The following SLC8A1 variants were observed in gnomAD, a reference collection of about 807,000 sequenced individuals.
SLC8A1 encodes sodium/calcium exchanger 1.
A neutral mutation model predicts 68.3 loss-of-function variants in SLC8A1; 18 were observed. The observed-to-expected ratio is 0.26, with a 90% CI of 0.18 to 0.39. The LOEUF (loss-of-function observed/expected upper bound fraction) is 0.39. Among genes scored for constraint, SLC8A1 ranks in the 10% least tolerant of loss-of-function variants. SLC8A1 has a pLI of 1.00. For missense variants in SLC8A1, 985 were observed against 1,156.7 expected (o/e 0.85, Z 2.15); for synonymous variants, 475 against 415.5 (o/e 1.14, Z -1.74).
At chr2:40,427,594 C>A (rs1217184341) in intron 2 of SLC8A1, among the ~76,000 whole-genome samples, 1 of 152,062 alleles carries the variant, frequency 6.6e-6, no homozygotes, top group East Asian at 1.9e-4. Context: ...CTTTCCTAGG[C>A]AAAGGGGGAA....
At position 40,219,938 on chromosome 2, in the gene SLC8A1, TA is replaced by T. The variant is rs1410960755; in HGVS notation, c.1809-42084del. Among the ~76,000 whole-genome samples the T allele has an allele frequency of 4.6e-5, 7 of 151,066 alleles. No homozygotes were observed. In the South Asian group the frequency reaches 1.0e-3, roughly 23 times the overall value. On this transcript the variant is annotated intron_variant, in intron 2 of 7. Transcript: ENST00000406785. Reference sequence around the variant, plus strand: ...ATACATCTTTCTGTCAAAATTTGGTTAGGGCAAAATTTGACTAAAATTGTGC... The same window carrying T: ...ATACATCTTTCTGTCAAAATTTGGTTGGGCAAAATTTGACTAAAATTGTGC...
chr2:40,350,376 G>T (rs1461166386), intron 2 of SLC8A1, among the ~76,000 whole-genome samples: 1 of 151,842 alleles, frequency 6.6e-6, no homozygotes, highest in African/African-American at 2.4e-5. Flanking sequence ...AGCTACTCAG[G>T]AGGCTGAGGT....
intron 2 of SLC8A1, among the ~76,000 whole-genome samples, chr2:40,305,810 G>C (rs1405850889): frequency 1.3e-5 from 2 of 152,186 alleles, no homozygotes; most frequent in South Asian, 4.1e-4. Flanking sequence ...ATAGAGTATA[G>C]ACATTTGTAA....
At chr2:40,493,580 CTTGGGAG>C (rs1002510216) in intron 1 of SLC8A1, among the ~76,000 whole-genome samples, 1 of 150,602 alleles carries the variant, frequency 6.6e-6, no homozygotes, top group African/African-American at 2.4e-5. Flanking sequence ...GATCACAAAA[CTTGGGAG>C]TTGGGAAACC....
chr2:40,396,748 TAA>T (rs368483768), intron 2 of SLC8A1, among the ~76,000 whole-genome samples: 1 of 87,084 alleles, frequency 1.1e-5, no homozygotes, highest in African/African-American at 6.2e-5. Context: ...CTCTAATAAC[TAA>T]AAAAAAAAAA....
chr2:40,415,949 C>A (rs992731612), intron 2 of SLC8A1, among the ~76,000 whole-genome samples: 5 of 148,060 alleles, frequency 3.4e-5, no homozygotes, highest in African/African-American at 1.3e-4. Flanking sequence ...ATAATCCCAG[C>A]TACTTAGGAG....
intron 2 of SLC8A1, among the ~76,000 whole-genome samples, chr2:40,247,231 C>T (rs995252139): frequency 3.9e-5 from 6 of 152,156 alleles, no homozygotes; most frequent in South Asian, 2.1e-4. Context: ...TGGAATGGAG[C>T]GATCACTATC....
At chr2:40,360,634 C>T (rs1674329875) in intron 2 of SLC8A1, among the ~76,000 whole-genome samples, 1 of 152,164 alleles carries the variant, frequency 6.6e-6, no homozygotes, top group Non-Finnish European at 1.5e-5. Context: ...CTGAGGTACA[C>T]AGAGCTGAGG....
chr2:40,286,231 A>C (rs1248324100), intron 2 of SLC8A1, among the ~76,000 whole-genome samples: 2 of 152,144 alleles, frequency 1.3e-5, no homozygotes, highest in Non-Finnish European at 2.9e-5. Context: ...TTTTATCTTC[A>C]AGAGAAGAGG....
intron 2 of SLC8A1, among the ~76,000 whole-genome samples, chr2:40,393,427 G>A (rs913854931): frequency 6.6e-6 from 1 of 152,068 alleles, no homozygotes; most frequent in Non-Finnish European, 1.5e-5. Context: ...ATATTTACAG[G>A]TTCAAGGGTG....
intron 2 of SLC8A1, among the ~76,000 whole-genome samples, chr2:40,215,914 A>G (rs1413790614): frequency 6.6e-6 from 1 of 151,788 alleles, no homozygotes; most frequent in Non-Finnish European, 1.5e-5. Context: ...TCATAATCCT[A>G]CCAAACTCCT....
intron 2 of SLC8A1, among the ~76,000 whole-genome samples, chr2:40,350,753 C>CGT (rs1670831073): frequency 6.6e-6 from 1 of 152,006 alleles, no homozygotes. Context: ...CTGCCTGGCA[C>CGT]GTCACTAATC....
intron 2 of SLC8A1, among the ~76,000 whole-genome samples, chr2:40,263,023 T>C (rs2064908974): frequency 6.6e-6 from 1 of 152,244 alleles, no homozygotes. Context: ...CTTCATGACA[T>C]GGCTATGCCA....
chr2:40,205,833 GAA>G (rs1418704245), intron 2 of SLC8A1, among the ~76,000 whole-genome samples: 2 of 119,624 alleles, frequency 1.7e-5, no homozygotes, highest in African/African-American at 5.6e-5. Context: ...AAAAAAAAAA[GAA>G]AAAGTCTTCT....
At chr2:40,215,171 A>T in intron 2 of SLC8A1, among the ~76,000 whole-genome samples, 1 of 151,952 alleles carries the variant, frequency 6.6e-6, no homozygotes, top group African/African-American at 2.4e-5. Flanking sequence ...ATTATTATTA[A>T]TATTATTATC....
intron 2 of SLC8A1, among the ~76,000 whole-genome samples, chr2:40,360,659 G>A (rs1446301644): frequency 6.6e-6 from 1 of 152,144 alleles, no homozygotes; most frequent in Admixed American, 6.6e-5. Context: ...CAGAGGTTGA[G>A]TCACTTGCCC....
chr2:40,291,434 C>T (rs1358867668), intron 2 of SLC8A1, among the ~76,000 whole-genome samples: 3 of 152,114 alleles, frequency 2.0e-5, no homozygotes, highest in East Asian at 1.9e-4. Context: ...GCTCATATTC[C>T]GAAAGTTTCC....
intron 2 of SLC8A1, among the ~76,000 whole-genome samples, chr2:40,366,055 C>A (rs766945206): frequency 2.0e-5 from 3 of 151,652 alleles, no homozygotes; most frequent in African/African-American, 7.3e-5. Flanking sequence ...AGAACTAGGA[C>A]TTCATTCTTC....
intron 2 of SLC8A1, among the ~76,000 whole-genome samples, chr2:40,232,381 T>C (rs994304001): frequency 1.4e-5 from 2 of 138,442 alleles, no homozygotes; most frequent in East Asian, 4.0e-4. Flanking sequence ...GGCATGTGAA[T>C]ATGGTGCAAG....
Sources: allele counts gnomAD v4.1 joint callset (sites outside exome capture counted in the v4.1 genomes callset), GRCh38; gene constraint gnomAD v4.1.1; transcripts MANE v1.5; gene names NCBI Gene and HGNC (gene_info 2026-07-23, HGNC 2026-07-21).